The following BMPR1B variants were observed in gnomAD, a reference collection of about 807,000 sequenced individuals.
The protein encoded by BMPR1B is bone morphogenetic protein receptor type 1B.
A neutral mutation model predicts 59.1 loss-of-function variants in BMPR1B; 12 were observed. The ratio of observed to expected loss-of-function variants is 0.20; its 90% CI spans 0.13 to 0.33. BMPR1B has a LOEUF of 0.33. Ranked by LOEUF, BMPR1B falls within the 10% of genes least tolerant of loss-of-function variation. BMPR1B has a pLI of 1.00. For synonymous variants in BMPR1B, 237 were observed against 207.3 expected (o/e 1.14, Z -1.23); for missense variants, 550 against 610.9 (o/e 0.90, Z 1.05).
At chr4:95,145,444 T>G (rs1311988413) in intron 10 of BMPR1B, among the ~76,000 whole-genome samples, 1 of 152,234 alleles carries the variant, frequency 6.6e-6, no homozygotes, top group Non-Finnish European at 1.5e-5. Context: ...TTCTGCCTCC[T>G]TCTTTCTCCT....
At chr4:95,058,404 C>T (rs1727090115) in intron 3 of BMPR1B, among the ~76,000 whole-genome samples, 1 of 152,120 alleles carries the variant, frequency 6.6e-6, no homozygotes, top group African/African-American at 2.4e-5. Flanking sequence ...ATAATGTCCC[C>T]ATAGTCATAT....
chr4:94,815,757 T>A (rs1373757100), intron 1 of BMPR1B, among the ~76,000 whole-genome samples: 3 of 152,174 alleles, frequency 2.0e-5, no homozygotes, highest in Non-Finnish European at 4.4e-5. Flanking sequence ...TGTACTTTGG[T>A]TATTATAAGG....
At chr4:94,909,438 T>A (rs996363712) in intron 2 of BMPR1B, among the ~76,000 whole-genome samples, 1 of 151,990 alleles carries the variant, frequency 6.6e-6, no homozygotes, top group Non-Finnish European at 1.5e-5. Flanking sequence ...GTAAGGTAGT[T>A]GCTCTGTGCT....
At chr4:94,936,942 A>T (rs888440778) in intron 2 of BMPR1B, among the ~76,000 whole-genome samples, 1 of 152,062 alleles carries the variant, frequency 6.6e-6, no homozygotes, top group Non-Finnish European at 1.5e-5. Context: ...CTACCATTTC[A>T]TCAGCAGAAT....
chr4:95,136,375 T>C (rs554402684), intron 10 of BMPR1B, among the ~76,000 whole-genome samples: 1 of 152,322 alleles, frequency 6.6e-6, no homozygotes, highest in African/African-American at 2.4e-5. Context: ...AATTCTCTTT[T>C]TTTGTTGTGT....
intron 2 of BMPR1B, among the ~76,000 whole-genome samples, chr4:94,949,707 T>A (rs1729857352): frequency 6.6e-6 from 1 of 152,208 alleles, no homozygotes; most frequent in African/African-American, 2.4e-5. Flanking sequence ...GCATTTGGGT[T>A]GGTTCCAAGT....
chr4:95,114,879 C>G, intron 5 of BMPR1B, 57 bp downstream of exon 5: 1 of 1,485,324 alleles, frequency 6.7e-7, no homozygotes, highest in Non-Finnish European at 9.4e-7. Flanking sequence ...CAACAAGTTT[C>G]AAGCAAGATA....
intron 3 of BMPR1B, among the ~76,000 whole-genome samples, chr4:95,025,140 A>G (rs1386641773): frequency 9.9e-5 from 15 of 152,098 alleles, no homozygotes; most frequent in Non-Finnish European, 2.9e-5. Flanking sequence ...GTGGAAGGAA[A>G]TTAGTTTTGG....
chr4:94,988,433 T>C (rs535844907), intron 2 of BMPR1B, among the ~76,000 whole-genome samples: 39 of 152,340 alleles, frequency 2.6e-4, no homozygotes, highest in African/African-American at 9.4e-4. Context: ...TGGTTATGGT[T>C]ATGTGTATTT....
chr4:95,145,186 T>G (rs1734553353), intron 10 of BMPR1B, among the ~76,000 whole-genome samples: 1 of 152,244 alleles, frequency 6.6e-6, no homozygotes, highest in Non-Finnish European at 1.5e-5. Flanking sequence ...CTTTTTCATT[T>G]CCTGCTATCC....
chr4:95,113,701 A>C lies in BMPR1B; in HGVS notation c.144-1019A>C, dbSNP rs186812020. On this transcript the variant is annotated intron_variant, in intron 4 of 12. Transcript: ENST00000515059. ...TGTGAAGATATCAATGTCTGTTTAC[A>C]AACAGTTCTGTATATAACAGATGTG... Among the ~76,000 whole-genome samples the C allele has an allele frequency of 2.0e-3, 300 of 152,284 alleles. 2 individuals are homozygous for C. Among genetic ancestry groups the C allele is most frequent in the African/African-American group, 6.7e-3 (280 of 41,564 alleles).
chr4:94,767,158 A>G (rs1722001739), intron 1 of BMPR1B, among the ~76,000 whole-genome samples: 1 of 152,170 alleles, frequency 6.6e-6, no homozygotes, highest in Admixed American at 6.6e-5. Flanking sequence ...CTGTGAATGA[A>G]TTTATATAAT....
intron 1 of BMPR1B, among the ~76,000 whole-genome samples, chr4:94,837,633 G>T (rs7667525): frequency 0.5 from 63,110 of 126,642 alleles, 18,600 homozygotes; most frequent in African/African-American, 0.7. Flanking sequence ...TGCTGAAGTT[G>T]CTTATCAGCT....
At chr4:94,887,428 A>C (rs1472402185) in intron 2 of BMPR1B, among the ~76,000 whole-genome samples, 3 of 147,834 alleles carry the variant, frequency 2.0e-5, no homozygotes, top group African/African-American at 7.4e-5. Context: ...AAAAAACAAG[A>C]AGCAGAAGAA....
chr4:95,024,946 C>T (rs187652189), intron 3 of BMPR1B, among the ~76,000 whole-genome samples: 101 of 152,012 alleles, frequency 6.6e-4, no homozygotes, highest in Middle Eastern at 3.4e-3. Flanking sequence ...ACTAAAAATA[C>T]AAAAGCTAGC....
At chr4:95,118,338 A>G (rs1247581601) in intron 6 of BMPR1B, among the ~76,000 whole-genome samples, 2 of 152,014 alleles carry the variant, frequency 1.3e-5, no homozygotes, top group Non-Finnish European at 2.9e-5. Context: ...TGACTCTACC[A>G]TATACACATG....
rs1735564711 is a variant in BMPR1B at position 95,158,430 on chromosome 4, T to G, written c.*3757T>G. 1 of 152,220 alleles carries G rather than the reference T, an allele frequency of 6.6e-6. No homozygotes were observed. The highest frequency in any genetic ancestry group is 6.5e-5 in the Admixed American group (1 of 15,288). The allele number at this position is 152,220 out of a possible 1,614,324, so 9.4% of individuals were successfully genotyped here. A position where few individuals can be genotyped will look rare whatever the true frequency, so the allele number is the denominator to read the frequency against. On this transcript the variant is annotated 3_prime_UTR_variant, in exon 13 of 13. Coordinates refer to ENST00000515059, the MANE Select transcript of BMPR1B (RefSeq NM_001203.3). ...CATTCCCCTAAATAAAATGGCTTCA[T>G]TCTCCCCTTGGAAAAAAACATGACT... is the stretch of plus-strand genomic sequence containing the variant.
intron 3 of BMPR1B, among the ~76,000 whole-genome samples, chr4:95,050,867 GA>G (rs1452294965): frequency 1.3e-5 from 2 of 151,856 alleles, no homozygotes; most frequent in Non-Finnish European, 2.9e-5. Flanking sequence ...AAACAATTTT[GA>G]AAAAATTTCT....
chr4:94,969,393 G>C (rs763027644), intron 2 of BMPR1B, among the ~76,000 whole-genome samples: 14 of 152,272 alleles, frequency 9.2e-5, no homozygotes, highest in Admixed American at 6.5e-4. Flanking sequence ...ATCGCAGTCT[G>C]TCATCAAGAT....
Sources: allele counts gnomAD v4.1 joint callset (sites outside exome capture counted in the v4.1 genomes callset), GRCh38; gene constraint gnomAD v4.1.1; transcripts MANE v1.5; gene names NCBI Gene and HGNC (gene_info 2026-07-23, HGNC 2026-07-21).